LRMDA: variants seen among roughly 807,000 people sequenced by gnomAD.
LRMDA encodes the protein leucine-rich melanocyte differentiation-associated protein.
A neutral mutation model predicts 29.8 loss-of-function variants in LRMDA; 18 were observed. The observed-to-expected ratio is 0.60, with a 90% confidence interval of 0.42 to 0.90. The LOEUF (loss-of-function observed/expected upper bound fraction) is 0.90, where lower values mean the gene tolerates loss of function less well. LRMDA is among the 40% of genes least tolerant of loss of function. LRMDA has a pLI of 0.00. For synonymous variants in LRMDA, 125 were observed against 109.4 expected, an observed-to-expected ratio of 1.14 and a Z score of -0.89; for missense variants, 273 against 273.9, an observed-to-expected ratio of 1.00 and a Z score of 0.02.
intron 6 of LRMDA, among the ~76,000 whole-genome samples, chr10:76,522,174 A>G (rs1843127941): frequency 6.6e-6 from 1 of 152,102 alleles, no homozygotes; most frequent in Non-Finnish European, 1.5e-5. Flanking sequence ...TGAATTTCAG[A>G]CTCATTTTAT....
chr10:76,132,823 G>A (rs892952985), intron 5 of LRMDA, among the ~76,000 whole-genome samples: 2 of 151,768 alleles, frequency 1.3e-5, no homozygotes, highest in African/African-American at 4.8e-5. Context: ...GGCGGGGGGG[G>A]TCAGAGTTTC....
At chr10:75,637,897 T>G (rs925687835) in intron 2 of LRMDA, among the ~76,000 whole-genome samples, 7 of 152,184 alleles carry the variant, frequency 4.6e-5, no homozygotes, top group African/African-American at 1.7e-4. Context: ...TTGCATGGTG[T>G]GCAGAGAGCA....
In LRMDA at chr10:76,480,867, C is replaced by T. The variant is rs1238052054; in HGVS notation, c.602-76342C>T. 5.3e-5 allele frequency among the ~76,000 whole-genome samples: 8 copies of T among 151,818 alleles called. No individual in the cohort carries two copies. The East Asian group carries it at 9.8e-4, about 19-fold the overall frequency. Reference sequence around the variant, plus strand: ...GCGAAAAATAATTTCCCAGTAAGTTCGAAGAATACCTTAAAGGTAATCATA... The same window carrying T: ...GCGAAAAATAATTTCCCAGTAAGTTTGAAGAATACCTTAAAGGTAATCATA... On this transcript the variant is annotated intron_variant, in intron 6 of 6. Coordinates refer to ENST00000611255, the MANE Select transcript of LRMDA (RefSeq NM_001305581.2).
intron 5 of LRMDA, among the ~76,000 whole-genome samples, chr10:76,112,303 G>T (rs1166496947): frequency 6.6e-6 from 1 of 152,204 alleles, no homozygotes; most frequent in African/African-American, 2.4e-5. Context: ...CACACTGGGG[G>T]CATGCAGGAG....
rs1464705617 is a variant in LRMDA at position 76,558,989 on chromosome 10, C to CA, written c.*1705dup. 1 of 152,190 alleles carries CA rather than the reference C, an allele frequency of 6.6e-6. No homozygotes were observed. The highest frequency in any genetic ancestry group is 2.4e-5 in the African/African-American group (1 of 41,448). The allele number at this position is 152,190 out of a possible 1,614,324, so 9.4% of individuals were successfully genotyped here. On this transcript the variant is annotated 3_prime_UTR_variant, in exon 7 of 7. Transcript: ENST00000611255. ...GAGTACCTTTTCTCTGTTTGATCTA[C>CA]AAAACAGCACTGGAAAAATGCTTTA...
chr10:76,131,167 G>A (rs374636274), intron 5 of LRMDA, among the ~76,000 whole-genome samples: 1 of 152,080 alleles, frequency 6.6e-6, no homozygotes, highest in African/African-American at 2.4e-5. Flanking sequence ...TGGTGCTTCC[G>A]CCGAATTGGC....
intron 5 of LRMDA, among the ~76,000 whole-genome samples, chr10:76,298,672 C>T (rs1201225377): frequency 1.3e-5 from 2 of 152,178 alleles, no homozygotes. Flanking sequence ...AATAGAATTT[C>T]ATCAAGGAAG....
At chr10:75,692,422 T>C (rs1589160187) in intron 2 of LRMDA, among the ~76,000 whole-genome samples, 1 of 118,196 alleles carries the variant, frequency 8.5e-6, no homozygotes, top group African/African-American at 3.1e-5. Flanking sequence ...CATATATGCA[T>C]ATATATATAC....
At chr10:75,640,669 G>C (rs1841441184) in intron 2 of LRMDA, among the ~76,000 whole-genome samples, 1 of 152,214 alleles carries the variant, frequency 6.6e-6, no homozygotes. Context: ...CATTCCCATA[G>C]CGGTCAGGCT....
intron 6 of LRMDA, among the ~76,000 whole-genome samples, chr10:76,532,173 C>T (rs903274124): frequency 6.6e-6 from 1 of 152,142 alleles, no homozygotes; most frequent in Non-Finnish European, 1.5e-5. Flanking sequence ...CTATCCCTCC[C>T]CTACTCCCAT....
chr10:75,901,892 T>A (rs966550520), intron 2 of LRMDA, among the ~76,000 whole-genome samples: 1 of 152,186 alleles, frequency 6.6e-6, no homozygotes, highest in Non-Finnish European at 1.5e-5. Flanking sequence ...GCTCCCCAAG[T>A]CATCAACCTG....
chr10:76,018,650 C>A (rs564758149), intron 2 of LRMDA, among the ~76,000 whole-genome samples: 3 of 150,340 alleles, frequency 2.0e-5, no homozygotes, highest in African/African-American at 4.9e-5. Flanking sequence ...TCACTGCAAC[C>A]CCTGCCTCCC....
chr10:76,090,076 A>G (rs2132089549), intron 5 of LRMDA, among the ~76,000 whole-genome samples: 1 of 152,284 alleles, frequency 6.6e-6, no homozygotes, highest in Non-Finnish European at 1.5e-5. Context: ...GAGCACCAGG[A>G]GGAGAGACGT....
chr10:76,006,472 C>T (rs1366715111), intron 2 of LRMDA, among the ~76,000 whole-genome samples: 1 of 152,158 alleles, frequency 6.6e-6, no homozygotes, highest in Non-Finnish European at 1.5e-5. Flanking sequence ...ACTAACTATT[C>T]TGTTGTTTCT....
At chr10:76,432,934 C>A (rs1842207083) in intron 6 of LRMDA, among the ~76,000 whole-genome samples, 1 of 152,190 alleles carries the variant, frequency 6.6e-6, no homozygotes, top group South Asian at 2.1e-4. Flanking sequence ...CCAGTGCCAC[C>A]ACCCTAATGG....
At chr10:76,180,942 G>A (rs1270637578) in intron 5 of LRMDA, among the ~76,000 whole-genome samples, 1 of 152,144 alleles carries the variant, frequency 6.6e-6, no homozygotes, top group Admixed American at 6.5e-5. Context: ...GACACAAGGA[G>A]GTCTCAGGGG....
chr10:76,161,025 G>A (rs74795325), intron 5 of LRMDA, among the ~76,000 whole-genome samples: 3,734 of 152,138 alleles, frequency 0.025, 148 homozygotes, highest in African/African-American at 0.082. Flanking sequence ...ATGATGTCCC[G>A]AGAAACGGTT....
At chr10:75,640,099 A>T (rs960216745) in intron 2 of LRMDA, among the ~76,000 whole-genome samples, 2 of 152,220 alleles carry the variant, frequency 1.3e-5, no homozygotes, top group Admixed American at 6.5e-5. Context: ...CTCCTGAGGG[A>T]TTAATCTTAG....
Position 75,758,142 on chromosome 10 carries a change from C to A in LRMDA, c.132-277866C>A, listed in dbSNP as rs562782649. Among the ~76,000 whole-genome samples the A allele has an allele frequency of 1.4e-3, 213 of 152,234 alleles. 4 individuals carry two copies. Among genetic ancestry groups the A allele is most frequent in the Admixed American group, 0.012 (179 of 15,302 alleles). On this transcript the variant is annotated intron_variant, in intron 2 of 6. Transcript: ENST00000611255. ...TTGAGCCCTGGTGAGGCAGGTGAAC[C>A]GTAAGAGGGACCTTCTGAAGCCGGT...
Sources: allele counts gnomAD v4.1 joint callset (sites outside exome capture counted in the v4.1 genomes callset), GRCh38; gene constraint gnomAD v4.1.1; transcripts MANE v1.5; gene names NCBI Gene and HGNC (gene_info 2026-07-23, HGNC 2026-07-21).